Variants in BICDL1 observed in about 807,000 individuals in gnomAD.
BICDL1 encodes BICD family-like cargo adapter 1.
A neutral mutation model predicts 76.8 loss-of-function variants in BICDL1; 20 were observed. That is an observed-to-expected ratio of 0.26 (90% confidence interval 0.18 to 0.38). The LOEUF is 0.38. BICDL1 is among the 10% of genes least tolerant of loss of function. The pLI, the probability that BICDL1 is intolerant of heterozygous loss-of-function variation, is 1.00. For missense variants in BICDL1, 700 were observed against 798.6 expected (o/e 0.88, Z 1.49); for synonymous variants, 383 against 337.1 (o/e 1.14, Z -1.49).
chr12:120,072,368 A>T (rs980985836), intron 5 of BICDL1, 143 bp from the exon 6 acceptor site: 29 of 515,858 alleles, frequency 5.6e-5, no homozygotes, highest in Non-Finnish European at 8.6e-5. Flanking sequence ...CAAATGAGTT[A>T]AAAAAAAAAC....
chr12:120,061,244 T>G (rs1473112760), intron 2 of BICDL1, among the ~76,000 whole-genome samples: 1 of 152,206 alleles, frequency 6.6e-6, no homozygotes, highest in Non-Finnish European at 1.5e-5. Flanking sequence ...TTTCAAATAG[T>G]GTCCATGTTA....
intron 2 of BICDL1, among the ~76,000 whole-genome samples, chr12:120,021,065 C>T (rs1952169622): frequency 6.6e-6 from 1 of 152,180 alleles, no homozygotes. Context: ...GGCAGATCAC[C>T]TGAGGCCAGG....
At chr12:120,065,263 G>A (rs1953196341) in intron 4 of BICDL1, among the ~76,000 whole-genome samples, 1 of 152,198 alleles carries the variant, frequency 6.6e-6, no homozygotes, top group Non-Finnish European at 1.5e-5. Flanking sequence ...GCTCTCTGCT[G>A]CTGTCTTCCC....
intron 9 of BICDL1, 60 bp from the exon 10 acceptor site, chr12:120,092,940 G>A: frequency 2.0e-6 from 3 of 1,493,478 alleles, no homozygotes; most frequent in South Asian, 1.4e-5. Flanking sequence ...TCCCTGTCCA[G>A]CCCCAGGGTT....
rs546911596 is a variant in BICDL1, at chr12:120,087,412, A to T, written c.1584-2539A>T. Among the ~76,000 whole-genome samples, 8 of 152,338 alleles carry T rather than the reference A, an allele frequency of 5.3e-5. No homozygotes were observed. The East Asian group carries it at 5.8e-4, about 11-fold the overall frequency. ...CTCGGTAGACCTGAAGCCAAAGAAG[A>T]AGTGCTGGTCGCAGCAGTGGCCTGA... is the stretch of plus-strand genomic sequence containing the variant. On this transcript the variant is annotated intron_variant, in intron 8 of 9. Coordinates refer to ENST00000548673, the MANE Select transcript of BICDL1 (RefSeq NM_001367886.1).
intron 1 of BICDL1, among the ~76,000 whole-genome samples, chr12:119,996,346 A>C (rs1951645059): frequency 6.6e-6 from 1 of 152,174 alleles, no homozygotes; most frequent in African/African-American, 2.4e-5. Context: ...AAACATTCAA[A>C]AGTCACTCAA....
chr12:120,066,928 C>T lies in BICDL1; in HGVS notation c.909+2049C>T, dbSNP rs111955516. 9.8e-4 allele frequency among the ~76,000 whole-genome samples: 149 copies of T among 152,294 alleles called. 1 individual carries two copies. The highest frequency in any genetic ancestry group is 3.4e-3 in the African/African-American group (143 of 41,560). On this transcript the variant is annotated intron_variant, in intron 4 of 9. Coordinates refer to ENST00000548673, the MANE Select transcript of BICDL1 (RefSeq NM_001367886.1). Reference sequence around the variant, plus strand: ...AATCCTTTGATTTTAAATCCTCAGACAAGGGTGAGGGATGGCTGAGCAGGC... The same window carrying T: ...AATCCTTTGATTTTAAATCCTCAGATAAGGGTGAGGGATGGCTGAGCAGGC...
At position 120,079,038 on chromosome 12, in the gene BICDL1, G is replaced by C. The variant is rs1873775766; in HGVS notation, c.1453-1849G>C. Among the ~76,000 whole-genome samples, 1 of 152,234 alleles carries C rather than the reference G, an allele frequency of 6.6e-6. No individual in the cohort carries two copies. Among genetic ancestry groups the C allele is most frequent in the Non-Finnish European group, 1.5e-5 (1 of 68,036 alleles). The stretch of plus-strand genomic sequence containing the variant: ...CGGGGCTAGATGCATGTGTGTGCTG[G>C]GTAGCTGCAGGTGCTCCAGCCTGTT... On this transcript the variant is annotated intron_variant, in intron 7 of 9. Transcript: ENST00000548673. The surrounding 1 kb of genome is among the most constrained non-coding windows in gnomAD (Gnocchi z 4.3).
At chr12:120,004,894 T>A (rs1951822735) in intron 2 of BICDL1, among the ~76,000 whole-genome samples, 1 of 152,180 alleles carries the variant, frequency 6.6e-6, no homozygotes, top group Admixed American at 6.5e-5. Context: ...CGATCTCAGC[T>A]CACTGCAGCC....
intron 7 of BICDL1, among the ~76,000 whole-genome samples, chr12:120,077,480 G>A (rs942835247): frequency 4.3e-5 from 6 of 139,744 alleles, no homozygotes; most frequent in South Asian, 2.4e-4. Context: ...ACACGTTATC[G>A]GTGAGGCCCT....
intron 2 of BICDL1, among the ~76,000 whole-genome samples, chr12:120,051,969 C>T (rs1952868509): frequency 6.6e-6 from 1 of 151,994 alleles, no homozygotes; most frequent in Non-Finnish European, 1.5e-5. Context: ...GAGACAGAGT[C>T]TCGCTGTGTT....
intron 7 of BICDL1, among the ~76,000 whole-genome samples, chr12:120,080,143 A>G (rs1395841786): frequency 2.0e-5 from 3 of 152,196 alleles, no homozygotes; most frequent in African/African-American, 7.2e-5. Flanking sequence ...CATCACACAG[A>G]TCATGGTGTA....
At chr12:120,084,616 C>T (rs534492037) in intron 8 of BICDL1, among the ~76,000 whole-genome samples, 1 of 152,220 alleles carries the variant, frequency 6.6e-6, no homozygotes, top group South Asian at 2.1e-4. Context: ...AGGCCAGTTG[C>T]GGTGGCTCAC....
intron 2 of BICDL1, among the ~76,000 whole-genome samples, chr12:120,037,601 A>G (rs1341914986): frequency 6.6e-6 from 1 of 152,230 alleles, no homozygotes. Context: ...TTCCACAGAC[A>G]TTAATCAATT....
chr12:120,063,697 T>C (rs1953156493), intron 3 of BICDL1, among the ~76,000 whole-genome samples: 1 of 152,110 alleles, frequency 6.6e-6, no homozygotes, highest in African/African-American at 2.4e-5. Flanking sequence ...AGCAAGAAAC[T>C]GGTTAAGAAT....
intron 2 of BICDL1, among the ~76,000 whole-genome samples, chr12:119,999,253 A>T (rs993786743): frequency 6.6e-6 from 1 of 152,160 alleles, no homozygotes; most frequent in Non-Finnish European, 1.5e-5. Flanking sequence ...CAAGCCACAG[A>T]CTTTGACAAT....
At chr12:120,006,960 G>C (rs1951862091) in intron 2 of BICDL1, among the ~76,000 whole-genome samples, 1 of 152,134 alleles carries the variant, frequency 6.6e-6, no homozygotes, top group African/African-American at 2.4e-5. Context: ...CGACTCCCCA[G>C]GTAGAGTTGA....
Position 120,064,749 on chromosome 12 carries a change from A to C in BICDL1, c.779A>C (p.Asp260Ala). ...SLQAEIKMLS[D>A]RKRELEHRLS... ...CCCTTTCAGATCAAGATGCTGTCAG[A>C]TCGGAAACGGGAGCTGGAGCATCGT... is the stretch of plus-strand genomic sequence containing the variant. Residue 260 changes from aspartate to alanine, a missense_variant, in exon 4 of 10, where the codon GAT (aspartate) becomes GCT (alanine). By Grantham distance (126) the Asp-to-Ala change is moderately radical. Coordinates refer to ENST00000548673, the MANE Select transcript of BICDL1 (RefSeq NM_001367886.1). 6.2e-7 allele frequency: 1 copy of C among 1,611,670 alleles called. No individual in the cohort carries two copies.
chr12:120,068,022 C>T (rs1390379381), intron 4 of BICDL1, among the ~76,000 whole-genome samples: 1 of 152,202 alleles, frequency 6.6e-6, no homozygotes, highest in Admixed American at 6.5e-5. Context: ...AGGGCTATTC[C>T]AGATCACTGG....
Sources: allele counts gnomAD v4.1 joint callset (sites outside exome capture counted in the v4.1 genomes callset), GRCh38; gene constraint gnomAD v4.1.1; non-coding constraint Gnocchi (gnomAD v3.1); transcripts MANE v1.5; gene names NCBI Gene and HGNC (gene_info 2026-07-23, HGNC 2026-07-21).